Variants in LIPC observed in about 807,000 individuals in gnomAD.
LIPC encodes the protein lipase C, hepatic type, also known as hepatic triacylglycerol lipase.
In LIPC, 44 loss-of-function variants were observed where a neutral mutation model predicts 50.7. The observed-to-expected ratio is 0.87, with a 90% confidence interval of 0.68 to 1.11. LIPC has a LOEUF of 1.11. LIPC is among the 50% of genes most tolerant of loss of function. The pLI, the probability that LIPC is intolerant of heterozygous loss-of-function variation, is 0.00. For synonymous variants in LIPC, 271 were observed against 256.4 expected (o/e 1.06, Z -0.54); for missense variants, 697 against 648.2 (o/e 1.08, Z -0.82).
rs559266901 is a variant in LIPC at position 58,563,566 on chromosome 15, G to C, written c.1231G>C (p.Gly411Arg). ...TCTTATCACGCTGGATGTGGATATC[G>C]GCGAGCTGATCATGATCAAGTTCAA... ...SFLITLDVDI[G>R]ELIMIKFKWE... is the part of the protein sequence containing the mutation. Residue 411 changes from glycine (G) to arginine (R), a missense_variant, in exon 8 of 9, where the codon GGC (glycine) becomes CGC (arginine). Gly to Arg is a moderately radical substitution (Grantham distance 125). Coordinates refer to ENST00000299022, the MANE Select transcript of LIPC (RefSeq NM_000236.3). 3.2e-4 allele frequency: 511 copies of C among 1,614,038 alleles called. 1 individual carries two copies. The highest frequency in any genetic ancestry group is 4.2e-4 in the Non-Finnish European group (491 of 1,180,028).
intron 8 of LIPC, among the ~76,000 whole-genome samples, chr15:58,567,345 G>A (rs3985722): frequency 0.053 from 991 of 18,730 alleles, 14 homozygotes; most frequent in East Asian, 0.18. Flanking sequence ...ATATGTATAT[G>A]TATATATATA....
At chr15:58,539,652 T>C (rs1893256171) in intron 2 of LIPC, among the ~76,000 whole-genome samples, 1 of 152,018 alleles carries the variant, frequency 6.6e-6, no homozygotes, top group South Asian at 2.1e-4. Flanking sequence ...CCATCTATCC[T>C]ATCCTGGAGA....
At chr15:58,497,649 CAT>C (rs1891820083) in intron 1 of LIPC, 1 of 152,478 alleles carries the variant, frequency 6.6e-6, no homozygotes, top group African/African-American at 2.4e-5. Context: ...GGATACCTCC[CAT>C]GATATGCCTT....
chr15:58,510,596 A>G (rs1892298754), intron 1 of LIPC, among the ~76,000 whole-genome samples: 1 of 152,262 alleles, frequency 6.6e-6, no homozygotes, highest in Non-Finnish European at 1.5e-5. Context: ...GGCTCTAAGC[A>G]AAGCAACTAA....
intron 1 of LIPC, among the ~76,000 whole-genome samples, chr15:58,502,342 C>T (rs1892010564): frequency 6.6e-6 from 1 of 152,108 alleles, no homozygotes; most frequent in Admixed American, 6.6e-5. Context: ...ATTGGATGCA[C>T]CTGGACAGCA....
In LIPC at chr15:58,538,314, C is replaced by A; in HGVS notation, c.89-19C>A. ...AAGCAGATGCCAGGCTAAGCACCGT[C>A]CCCAATCTTATATTGCAGAGCCATT... is the stretch of plus-strand genomic sequence containing the variant. On this transcript the variant is annotated intron_variant, in intron 1 of 8. Coordinates refer to ENST00000299022, the MANE Select transcript of LIPC (RefSeq NM_000236.3). The A allele has an allele frequency of 6.2e-7, 1 of 1,613,628 alleles. No individual in the cohort carries two copies. Among genetic ancestry groups the A allele is most frequent in the Non-Finnish European group, 8.5e-7 (1 of 1,179,548 alleles).
At chr15:58,533,998 T>A (rs1464919620) in intron 1 of LIPC, among the ~76,000 whole-genome samples, 4 of 152,068 alleles carry the variant, frequency 2.6e-5, no homozygotes, top group African/African-American at 9.7e-5. Context: ...ACAAAGGAGA[T>A]CATTCTGAGC....
intron 8 of LIPC, chr15:58,565,942 G>A (rs1290985827): frequency 1.0e-6 from 1 of 982,974 alleles, no homozygotes; most frequent in East Asian, 1.1e-4. Context: ...CTGAGTTGTG[G>A]CTCTTGGTAG....
chr15:58,451,982 G>A (rs1173800847), intron 1 of LIPC, among the ~76,000 whole-genome samples: 4 of 152,186 alleles, frequency 2.6e-5, no homozygotes. Flanking sequence ...GTAACACACT[G>A]GAGAACCAAC....
At chr15:58,515,486 C>T (rs1433660827) in intron 1 of LIPC, among the ~76,000 whole-genome samples, 4 of 150,872 alleles carry the variant, frequency 2.7e-5, no homozygotes, top group Admixed American at 6.6e-5. Context: ...ACATCAGAAT[C>T]GAGCTTCATT....
At chr15:58,446,124 G>C (rs1336900267) in intron 1 of LIPC, among the ~76,000 whole-genome samples, 1 of 152,184 alleles carries the variant, frequency 6.6e-6, no homozygotes, top group African/African-American at 2.4e-5. Flanking sequence ...AAGGAAGAGA[G>C]AAAAAGACAC....
intron 1 of LIPC, among the ~76,000 whole-genome samples, chr15:58,443,635 T>A (rs1213920238): frequency 1.3e-5 from 2 of 152,180 alleles, no homozygotes; most frequent in Admixed American, 6.5e-5. Context: ...CTTAGTAGTA[T>A]CAAGACAACA....
rs1894482853 is a variant in LIPC, at chr15:58,569,351, A to T, written c.*524A>T. 1 of 152,222 alleles carries T rather than the reference A, an allele frequency of 6.6e-6. No homozygotes were observed. The highest frequency in any genetic ancestry group is 2.4e-5 in the African/African-American group (1 of 41,454). 9.4% of individuals were successfully genotyped at this position (152,222 alleles called of 1,614,324 possible). On this transcript the variant is annotated 3_prime_UTR_variant, in exon 9 of 9. Coordinates refer to ENST00000299022, the MANE Select transcript of LIPC (RefSeq NM_000236.3). ...TAATATTTATACAAATCATATAACG[A>T]TTTCACAGAACCAAACACTTACAAG...
At chr15:58,559,861 A>G (rs2140949509) in intron 6 of LIPC, among the ~76,000 whole-genome samples, 1 of 152,334 alleles carries the variant, frequency 6.6e-6, no homozygotes, top group Middle Eastern at 3.4e-3. Context: ...ATGAGGTAGG[A>G]TAATTTTCAA....
intron 1 of LIPC, among the ~76,000 whole-genome samples, chr15:58,443,321 C>T (rs1436660944): frequency 1.3e-5 from 2 of 152,144 alleles, no homozygotes; most frequent in African/African-American, 4.8e-5. Context: ...TGAGTGATGG[C>T]CAGGAGCAGC....
intron 6 of LIPC, among the ~76,000 whole-genome samples, chr15:58,553,528 G>C (rs956329940): frequency 1.1e-4 from 16 of 152,234 alleles, no homozygotes; most frequent in African/African-American, 3.9e-4. Flanking sequence ...AGAAGGTCAA[G>C]GCTGCAGTGA....
intron 7 of LIPC, among the ~76,000 whole-genome samples, chr15:58,561,730 T>C (rs1406517998): frequency 6.6e-6 from 1 of 152,218 alleles, no homozygotes; most frequent in African/African-American, 2.4e-5. Flanking sequence ...TGTCATGTGA[T>C]GCTATACTAG....
At chr15:58,496,256 A>G (rs1313732882) in intron 1 of LIPC, among the ~76,000 whole-genome samples, 1 of 152,188 alleles carries the variant, frequency 6.6e-6, no homozygotes, top group Non-Finnish European at 1.5e-5. Flanking sequence ...TAAACATCCT[A>G]CAATGCACCA....
chr15:58,561,174 G>A (rs1894150540), intron 7 of LIPC, among the ~76,000 whole-genome samples, 193 bp downstream of exon 7: 2 of 152,214 alleles, frequency 1.3e-5, no homozygotes, highest in South Asian at 4.1e-4. Flanking sequence ...CCGTGACACA[G>A]CCTCAGGAGG....
Sources: allele counts gnomAD v4.1 joint callset (sites outside exome capture counted in the v4.1 genomes callset), GRCh38; gene constraint gnomAD v4.1.1; transcripts MANE v1.5; gene names NCBI Gene and HGNC (gene_info 2026-07-23, HGNC 2026-07-21).